PID1: variants seen among roughly 807,000 people sequenced by gnomAD.
PID1 encodes PTB-containing, cubilin and LRP1-interacting protein.
In PID1, 10 loss-of-function variants were observed where a neutral mutation model predicts 19.1. The observed-to-expected ratio is 0.52, with a 90% CI of 0.32 to 0.89. The LOEUF (loss-of-function observed/expected upper bound fraction) is 0.89, where lower values mean the gene tolerates loss of function less well. Ranked by LOEUF, PID1 falls within the 40% of genes least tolerant of loss-of-function variation. PID1 has a pLI of 0.03. For missense variants in PID1, 248 were observed against 285.3 expected, an observed-to-expected ratio of 0.87 and a Z score of 0.94; for synonymous variants, 130 against 116.0, an observed-to-expected ratio of 1.12 and a Z score of -0.78.
chr2:229,085,392 C>A (rs890935544), intron 2 of PID1, among the ~76,000 whole-genome samples: 2 of 152,134 alleles, frequency 1.3e-5, no homozygotes, highest in South Asian at 2.1e-4. Flanking sequence ...TCTTTCAAGT[C>A]AGGAAAGTCA....
At chr2:229,157,999 C>T (rs1452098945) in intron 1 of PID1, among the ~76,000 whole-genome samples, 1 of 152,156 alleles carries the variant, frequency 6.6e-6, no homozygotes, top group Non-Finnish European at 1.5e-5. Flanking sequence ...TTTTGTGCAG[C>T]GTTTTCACTG....
intron 2 of PID1, among the ~76,000 whole-genome samples, chr2:229,031,614 G>C: frequency 6.6e-6 from 1 of 152,040 alleles, no homozygotes; most frequent in Non-Finnish European, 1.5e-5. Flanking sequence ...GAAAGGAAAA[G>C]AGAAACATAG....
intron 1 of PID1, among the ~76,000 whole-genome samples, chr2:229,184,948 T>C (rs1452402527): frequency 9.4e-6 from 1 of 106,508 alleles, no homozygotes; most frequent in Admixed American, 1.0e-4. Flanking sequence ...ATATATCCTA[T>C]ATATATAAAA....
At chr2:229,033,208 G>C (rs747738935) in intron 2 of PID1, among the ~76,000 whole-genome samples, 8 of 152,072 alleles carry the variant, frequency 5.3e-5, no homozygotes, top group Non-Finnish European at 1.0e-4. Context: ...TAACGTCAAG[G>C]GTTCCCAAAC....
intron 2 of PID1, among the ~76,000 whole-genome samples, chr2:229,140,267 T>C (rs1197911356): frequency 6.6e-6 from 1 of 152,182 alleles, no homozygotes; most frequent in Non-Finnish European, 1.5e-5. Context: ...CCATTTGTCA[T>C]ATAATCAGTG....
At chr2:229,120,595 A>C (rs933277835) in intron 2 of PID1, among the ~76,000 whole-genome samples, 6 of 149,110 alleles carry the variant, frequency 4.0e-5, no homozygotes, top group Non-Finnish European at 8.9e-5. Flanking sequence ...TCAACTGTGT[A>C]TATATATAAT....
chr2:229,034,710 A>C (rs1353229652), intron 2 of PID1, among the ~76,000 whole-genome samples: 1 of 152,138 alleles, frequency 6.6e-6, no homozygotes, highest in African/African-American at 2.4e-5. Context: ...CAATACTTCA[A>C]AAGGGCCAAG....
At chr2:229,124,335 G>T (rs927630947) in intron 2 of PID1, among the ~76,000 whole-genome samples, 22 of 151,952 alleles carry the variant, frequency 1.4e-4, no homozygotes, top group Admixed American at 1.1e-3. Context: ...CCATTTTATT[G>T]CTGTGTTGTC....
At chr2:229,103,405 A>C (rs540903427) in intron 2 of PID1, among the ~76,000 whole-genome samples, 2 of 152,136 alleles carry the variant, frequency 1.3e-5, no homozygotes, top group Non-Finnish European at 2.9e-5. Context: ...AAGTGACCAG[A>C]TGGCAAGAGC....
At chr2:229,053,425 T>G (rs1027167663) in intron 2 of PID1, among the ~76,000 whole-genome samples, 6 of 152,216 alleles carry the variant, frequency 3.9e-5, no homozygotes, top group African/African-American at 1.4e-4. Flanking sequence ...GTTATAGGCA[T>G]GTGGAGACAG....
At chr2:229,247,288 C>A (rs142469679) in intron 1 of PID1, among the ~76,000 whole-genome samples, 1 of 152,296 alleles carries the variant, frequency 6.6e-6, no homozygotes, top group African/African-American at 2.4e-5. Context: ...TATGAAAGCT[C>A]CAGAACTCAC....
At chr2:229,154,181 A>G (rs1040162233) in intron 2 of PID1, among the ~76,000 whole-genome samples, 5 of 152,142 alleles carry the variant, frequency 3.3e-5, no homozygotes, top group African/African-American at 1.2e-4. Flanking sequence ...CACATAGCTC[A>G]CTTGCCTTAT....
At chr2:229,139,131 A>AGCGAGCG (rs1689953106) in intron 2 of PID1, among the ~76,000 whole-genome samples, 1 of 116,402 alleles carries the variant, frequency 8.6e-6, no homozygotes, top group African/African-American at 3.5e-5. Flanking sequence ...GAAAGAAAGA[A>AGCGAGCG]AGAAAGAAAG....
intron 1 of PID1, among the ~76,000 whole-genome samples, chr2:229,163,674 T>TGTGTGTGC (rs374622113): frequency 1.1e-5 from 1 of 94,374 alleles, no homozygotes; most frequent in African/African-American, 3.1e-5. Context: ...TGTGTGTGTG[T>TGTGTGTGC]GCGTGTGCGT....
intron 2 of PID1, among the ~76,000 whole-genome samples, chr2:229,121,524 A>G (rs1276355746): frequency 1.3e-5 from 2 of 152,174 alleles, no homozygotes; most frequent in East Asian, 3.9e-4. Context: ...CTAATCAGAA[A>G]AGGGAGTTGG....
chr2:229,025,375 A>AGAT lies in PID1; in HGVS notation c.*256_*257insATC. On this transcript the variant is annotated 3_prime_UTR_variant, in exon 3 of 3. Coordinates refer to ENST00000392055, the MANE Select transcript of PID1 (RefSeq NM_001100818.2). Reference sequence around the variant, plus strand: ...ACAGAGAGGCATTGGGAAATGAGAAAAATAAGAGAGCCTAGAACCTTCCTC... The same window carrying AGAT: ...ACAGAGAGGCATTGGGAAATGAGAAAGATAATAAGAGAGCCTAGAACCTTCCTC... The AGAT allele has an allele frequency of 3.2e-6, 1 of 310,400 alleles. No individual in the cohort carries two copies. The highest frequency in any genetic ancestry group is 3.4e-5 in the South Asian group (1 of 29,674). The allele number at this position is 310,400 out of a possible 1,614,324, so 19.2% of individuals were successfully genotyped here. A position where few individuals can be genotyped will look rare whatever the true frequency, so the allele number is the denominator to read the frequency against.
chr2:229,179,285 TC>T (rs891709039), intron 1 of PID1, among the ~76,000 whole-genome samples: 2 of 152,074 alleles, frequency 1.3e-5, no homozygotes, highest in African/African-American at 4.8e-5. Context: ...CCTCCATGGC[TC>T]CCATCAGCCC....
At chr2:229,261,278 G>A (rs1345653568) in intron 1 of PID1, among the ~76,000 whole-genome samples, 2 of 152,184 alleles carry the variant, frequency 1.3e-5, no homozygotes, top group Non-Finnish European at 2.9e-5. Context: ...CACCCGGTTT[G>A]TGGTACTTTG....
chr2:229,098,857 G>A (rs188581556), intron 2 of PID1, among the ~76,000 whole-genome samples: 20 of 152,252 alleles, frequency 1.3e-4, no homozygotes, highest in African/African-American at 4.1e-4. Flanking sequence ...ATCTGCTCTC[G>A]CCACGTTCGT....
Sources: allele counts gnomAD v4.1 joint callset (sites outside exome capture counted in the v4.1 genomes callset), GRCh38; gene constraint gnomAD v4.1.1; transcripts MANE v1.5; gene names NCBI Gene and HGNC (gene_info 2026-07-23, HGNC 2026-07-21).